SPOCK1: variants seen among roughly 807,000 people sequenced by gnomAD.
The protein encoded by SPOCK1 is testican-1.
SPOCK1 carries 23 observed loss-of-function variants against 55.3 expected under a neutral mutation model. That is an observed-to-expected ratio of 0.42 (90% CI 0.30 to 0.59). The LOEUF is 0.59. SPOCK1 is among the 20% of genes least tolerant of loss of function. The pLI is 0.22. For synonymous variants in SPOCK1, 226 were observed against 221.0 expected (o/e 1.02, Z -0.20); for missense variants, 499 against 552.5 (o/e 0.90, Z 0.97).
Position 136,988,534 on chromosome 5 carries a change from G to T in SPOCK1, c.816C>A (p.Ile272=), listed in dbSNP as rs1220306555. 4 of 1,614,172 alleles carry T rather than the reference G, an allele frequency of 2.5e-6. No homozygotes were observed. Among genetic ancestry groups the T allele is most frequent in the Admixed American group, 3.3e-5 (2 of 60,026 alleles). ...TACAGGGCTCGTACTTATCCAGGTA[G>T]ATGGCATTGATCTCTGAAGGGTCAA... ...LLLDPSEINA[I]YLDKYEPCIK... Residue 272 remains isoleucine, a synonymous_variant, in exon 8 of 11, where the codon ATC becomes ATA. Coordinates refer to ENST00000394945, the MANE Select transcript of SPOCK1 (RefSeq NM_004598.4).
chr5:137,079,748 G>C (rs1752843344), intron 5 of SPOCK1, among the ~76,000 whole-genome samples: 1 of 151,916 alleles, frequency 6.6e-6, no homozygotes, highest in African/African-American at 2.4e-5. Flanking sequence ...GCTTCACTCT[G>C]ATGTTGCCTC....
At chr5:137,025,421 C>T (rs1007692749) in intron 6 of SPOCK1, among the ~76,000 whole-genome samples, 2 of 152,188 alleles carry the variant, frequency 1.3e-5, no homozygotes, top group Non-Finnish European at 2.9e-5. Flanking sequence ...CTGCTACATA[C>T]ATTACCTCTG....
chr5:137,338,298 T>C (rs1750333315), intron 2 of SPOCK1, among the ~76,000 whole-genome samples: 1 of 152,052 alleles, frequency 6.6e-6, no homozygotes, highest in Admixed American at 6.5e-5. Context: ...GATAGTTTGC[T>C]GAGAATGATG....
chr5:137,361,080 A>T (rs1026333515), intron 2 of SPOCK1, among the ~76,000 whole-genome samples: 2 of 152,194 alleles, frequency 1.3e-5, no homozygotes, highest in African/African-American at 4.8e-5. Context: ...TTGTGTCCTT[A>T]TAAGAGGAAG....
intron 2 of SPOCK1, among the ~76,000 whole-genome samples, chr5:137,477,200 C>A (rs780861166): frequency 3.3e-5 from 5 of 152,070 alleles, no homozygotes; most frequent in African/African-American, 1.2e-4. Context: ...CATTTTAAAA[C>A]GAAGGGGGCA....
chr5:137,257,870 C>T lies in SPOCK1; in HGVS notation c.232+9140G>A, dbSNP rs144701605. On this transcript the variant is annotated intron_variant, in intron 3 of 10. Transcript: ENST00000394945. Reference sequence around the variant, plus strand: ...ACACATCCTTTGAGTGATTTTATTTCGTGTGTGTCTCTTGGCTCTGTAGAC... The same window carrying T: ...ACACATCCTTTGAGTGATTTTATTTTGTGTGTGTCTCTTGGCTCTGTAGAC... Among the ~76,000 whole-genome samples the T allele has an allele frequency of 3.7e-3, 567 of 152,288 alleles. 3 individuals carry two copies. The highest frequency in any genetic ancestry group is 6.0e-3 in the Non-Finnish European group (411 of 68,018).
intron 2 of SPOCK1, among the ~76,000 whole-genome samples, chr5:137,292,715 C>T (rs907682672): frequency 1.3e-5 from 2 of 152,014 alleles, no homozygotes; most frequent in Non-Finnish European, 2.9e-5. Flanking sequence ...TGAGAAAGAA[C>T]AAAATGGTAT....
At chr5:137,242,427 T>C (rs187350358) in intron 3 of SPOCK1, among the ~76,000 whole-genome samples, 19 of 152,274 alleles carry the variant, frequency 1.2e-4, no homozygotes, top group African/African-American at 4.6e-4. Flanking sequence ...TTGCCTTTCT[T>C]CCTCCTTCGC....
intron 3 of SPOCK1, among the ~76,000 whole-genome samples, chr5:137,234,935 T>C (rs958293656): frequency 6.6e-6 from 1 of 152,212 alleles, no homozygotes; most frequent in Non-Finnish European, 1.5e-5. Context: ...ACACTGACAT[T>C]AAAGGGTTTT....
intron 9 of SPOCK1, among the ~76,000 whole-genome samples, chr5:136,980,412 CTG>C (rs1750706369): frequency 6.6e-6 from 1 of 152,138 alleles, no homozygotes; most frequent in South Asian, 2.1e-4. Context: ...TATGGTTTGG[CTG>C]TGTCCCCACC....
chr5:137,243,276 G>T (rs995754995), intron 3 of SPOCK1, among the ~76,000 whole-genome samples: 2 of 152,068 alleles, frequency 1.3e-5, no homozygotes, highest in African/African-American at 4.8e-5. Context: ...CCCATAATCG[G>T]CGGCTATTTT....
intron 3 of SPOCK1, among the ~76,000 whole-genome samples, chr5:137,217,545 G>A (rs192051765): frequency 5.9e-4 from 90 of 152,336 alleles, no homozygotes; most frequent in African/African-American, 1.9e-3. Flanking sequence ...GGGATGGGAT[G>A]TAACACGCCT....
chr5:137,104,541 G>T (rs1753329441), intron 5 of SPOCK1, among the ~76,000 whole-genome samples: 1 of 152,200 alleles, frequency 6.6e-6, no homozygotes, highest in Non-Finnish European at 1.5e-5. Context: ...CTACTGGTCT[G>T]TGGTCTGTTA....
At chr5:137,118,844 G>T (rs139294307) in intron 4 of SPOCK1, among the ~76,000 whole-genome samples, 2 of 152,102 alleles carry the variant, frequency 1.3e-5, no homozygotes, top group Non-Finnish European at 2.9e-5. Flanking sequence ...AACTGTTTTC[G>T]CTCTGCATAT....
intron 2 of SPOCK1, among the ~76,000 whole-genome samples, chr5:137,424,831 C>T (rs143661356): frequency 0.011 from 1,624 of 152,184 alleles, 15 homozygotes; most frequent in Non-Finnish European, 0.016. Context: ...GACTGAGGGA[C>T]TGAGTATAAA....
chr5:137,057,187 T>C (rs774570712), intron 6 of SPOCK1, among the ~76,000 whole-genome samples: 26 of 152,130 alleles, frequency 1.7e-4, no homozygotes, highest in Non-Finnish European at 3.2e-4. Flanking sequence ...TCTCTTGCCA[T>C]AGAGCGCTGC....
At chr5:137,126,554 G>A (rs1311761613) in intron 4 of SPOCK1, among the ~76,000 whole-genome samples, 1 of 152,166 alleles carries the variant, frequency 6.6e-6, no homozygotes, top group East Asian at 1.9e-4. Flanking sequence ...CCTGAGGTCA[G>A]GAGTTCGAGA....
intron 5 of SPOCK1, among the ~76,000 whole-genome samples, chr5:137,105,345 G>A (rs1753344178): frequency 6.6e-6 from 1 of 152,178 alleles, no homozygotes; most frequent in Non-Finnish European, 1.5e-5. Context: ...TCTGGTGGGA[G>A]CAGGACTATC....
At chr5:137,316,210 C>A (rs1018196578) in intron 2 of SPOCK1, among the ~76,000 whole-genome samples, 11 of 152,198 alleles carry the variant, frequency 7.2e-5, no homozygotes, top group African/African-American at 2.7e-4. Context: ...CTGTGTGAAG[C>A]CTCTTTTATA....
Sources: allele counts gnomAD v4.1 joint callset (sites outside exome capture counted in the v4.1 genomes callset), GRCh38; gene constraint gnomAD v4.1.1; transcripts MANE v1.5; gene names NCBI Gene and HGNC (gene_info 2026-07-23, HGNC 2026-07-21).